Variants in DLG2 observed in about 807,000 individuals in gnomAD.
DLG2 encodes discs large MAGUK scaffold protein 2.
A neutral mutation model predicts 132.5 loss-of-function variants in DLG2; 45 were observed. That is an observed-to-expected ratio of 0.34 (90% confidence interval 0.27 to 0.44). The LOEUF (loss-of-function observed/expected upper bound fraction) is 0.44. DLG2 is among the 20% of genes least tolerant of loss of function. The probability of loss-of-function intolerance (pLI) is 1.00; values close to 1 mark genes in which losing one functional copy is unlikely to be tolerated. For synonymous variants in DLG2, 424 were observed against 419.6 expected (o/e 1.01, Z -0.13); for missense variants, 1,045 against 1,196.9 (o/e 0.87, Z 1.87).
intron 7 of DLG2, among the ~76,000 whole-genome samples, chr11:84,461,183 A>G (rs2099079207): frequency 6.6e-6 from 1 of 150,874 alleles, no homozygotes; most frequent in Non-Finnish European, 1.5e-5. Context: ...TGTCAAGCTC[A>G]CCTTCTTCCA....
intron 17 of DLG2, chr11:83,791,659 C>A: frequency 3.1e-6 from 1 of 322,660 alleles, no homozygotes; most frequent in Non-Finnish European, 5.8e-6. Flanking sequence ...GTCAGCCGGG[C>A]GCGGTGGCTC....
At chr11:85,062,944 G>A (rs1176627369) in intron 6 of DLG2, among the ~76,000 whole-genome samples, 1 of 151,584 alleles carries the variant, frequency 6.6e-6, no homozygotes, top group Non-Finnish European at 1.5e-5. Flanking sequence ...GCAGAGGTGG[G>A]GATGACTGGT....
intron 18 of DLG2, among the ~76,000 whole-genome samples, chr11:83,776,874 GT>G (rs1327955322): frequency 6.6e-6 from 1 of 152,184 alleles, no homozygotes; most frequent in African/African-American, 2.4e-5. Context: ...CAGAGCTTTT[GT>G]TTGTCTTCGT....
rs1337648072 is a variant in DLG2, at chr11:84,561,089, A to G, written c.358-26358T>C. Among the ~76,000 whole-genome samples the G allele has an allele frequency of 3.9e-5, 6 of 152,128 alleles. 1 individual carries two copies. The highest frequency in any genetic ancestry group is 8.8e-5 in the Non-Finnish European group (6 of 67,978). Reference sequence around the variant, plus strand: ...ATAGCCATAATATTAGCTGTGAAACAGTATATTGGGCATTTGGAGTATGTG... The same window carrying G: ...ATAGCCATAATATTAGCTGTGAAACGGTATATTGGGCATTTGGAGTATGTG... On this transcript the variant is annotated intron_variant, in intron 6 of 27. Coordinates refer to ENST00000376104, the MANE Select transcript of DLG2 (RefSeq NM_001142699.3).
intron 15 of DLG2, among the ~76,000 whole-genome samples, chr11:83,884,015 C>T (rs1053801435): frequency 1.3e-4 from 20 of 152,312 alleles, no homozygotes; most frequent in East Asian, 5.8e-4. Context: ...GCGTGAGTGA[C>T]GCAGAAGACG....
chr11:85,040,414 A>G (rs2061762300), intron 6 of DLG2, among the ~76,000 whole-genome samples: 1 of 152,006 alleles, frequency 6.6e-6, no homozygotes, highest in Non-Finnish European at 1.5e-5. Flanking sequence ...ATGTAAAGAT[A>G]AAACTAGAAT....
intron 6 of DLG2, among the ~76,000 whole-genome samples, chr11:85,075,513 G>T (rs916476258): frequency 6.6e-6 from 1 of 151,812 alleles, no homozygotes; most frequent in Non-Finnish European, 1.5e-5. Flanking sequence ...AATAGATCTT[G>T]AAAACATTTT....
chr11:85,255,091 T>C (rs186724064), intron 4 of DLG2, among the ~76,000 whole-genome samples: 102 of 152,210 alleles, frequency 6.7e-4, no homozygotes, highest in African/African-American at 2.4e-3. Context: ...ACTAAAATTA[T>C]ATTAAATAAC....
chr11:84,848,767 T>C (rs550618060), intron 6 of DLG2, among the ~76,000 whole-genome samples: 1 of 152,124 alleles, frequency 6.6e-6, no homozygotes, highest in Non-Finnish European at 1.5e-5. Flanking sequence ...GGAAAGGATA[T>C]TTTGCATGTG....
chr11:85,123,076 C>A (rs999226291), intron 5 of DLG2, among the ~76,000 whole-genome samples: 1 of 145,928 alleles, frequency 6.9e-6, no homozygotes, highest in Non-Finnish European at 1.5e-5. Context: ...CTCCCGGGTT[C>A]ATGCCATTCT....
At chr11:84,286,625 G>A (rs181633943) in intron 7 of DLG2, among the ~76,000 whole-genome samples, 40 of 152,248 alleles carry the variant, frequency 2.6e-4, no homozygotes, top group African/African-American at 9.4e-4. Flanking sequence ...GCACTTCCAT[G>A]TTCCAAGGTT....
At chr11:85,118,337 A>G (rs1269626230) in intron 5 of DLG2, among the ~76,000 whole-genome samples, 1 of 152,018 alleles carries the variant, frequency 6.6e-6, no homozygotes, top group Non-Finnish European at 1.5e-5. Context: ...CATCCTCAAC[A>G]CTTTTCAAAA....
chr11:85,209,983 T>G (rs903792794), intron 4 of DLG2, among the ~76,000 whole-genome samples: 3 of 152,056 alleles, frequency 2.0e-5, no homozygotes, highest in Non-Finnish European at 4.4e-5. Flanking sequence ...CTCACTTTCT[T>G]CAGGTTTTCA....
chr11:84,254,262 GT>G (rs1342937773), intron 7 of DLG2, among the ~76,000 whole-genome samples: 3 of 151,986 alleles, frequency 2.0e-5, no homozygotes, highest in African/African-American at 7.3e-5. Flanking sequence ...ATAATAATGT[GT>G]TATGGGAATA....
At chr11:84,782,196 T>C (rs961030365) in intron 6 of DLG2, among the ~76,000 whole-genome samples, 4 of 152,058 alleles carry the variant, frequency 2.6e-5, no homozygotes, top group Non-Finnish European at 2.9e-5. Flanking sequence ...CACTCCAAGA[T>C]ACTATCCGGG....
chr11:83,574,686 A>C (rs1007979779), intron 19 of DLG2, among the ~76,000 whole-genome samples: 37 of 152,316 alleles, frequency 2.4e-4, no homozygotes, highest in African/African-American at 8.9e-4. Context: ...CTCTGCCATA[A>C]CTAGAAGATG....
intron 7 of DLG2, among the ~76,000 whole-genome samples, chr11:84,306,478 T>C (rs1361432947): frequency 6.6e-6 from 1 of 152,186 alleles, no homozygotes; most frequent in Non-Finnish European, 1.5e-5. Flanking sequence ...ACTGACAAAA[T>C]TGCTAACAGA....
intron 6 of DLG2, among the ~76,000 whole-genome samples, chr11:84,684,200 T>A (rs1037635302): frequency 3.3e-5 from 5 of 152,162 alleles, no homozygotes; most frequent in Non-Finnish European, 7.4e-5. Context: ...TATTGAAAGA[T>A]CTGAAATGAC....
chr11:84,541,954 T>C (rs548969519), intron 6 of DLG2, among the ~76,000 whole-genome samples: 7 of 152,298 alleles, frequency 4.6e-5, no homozygotes, highest in African/African-American at 1.7e-4. Context: ...GATCTGTCAC[T>C]GGAGGTTCTC....
Sources: allele counts gnomAD v4.1 joint callset (sites outside exome capture counted in the v4.1 genomes callset), GRCh38; gene constraint gnomAD v4.1.1; transcripts MANE v1.5; gene names NCBI Gene and HGNC (gene_info 2026-07-23, HGNC 2026-07-21).